Variants in JPH3 observed in about 807,000 individuals in gnomAD.
JPH3 encodes junctophilin 3.
Under a neutral mutation model 59.6 loss-of-function variants are expected in JPH3, and 11 were observed. That is an observed-to-expected ratio of 0.18 (90% confidence interval 0.12 to 0.31). The LOEUF (loss-of-function observed/expected upper bound fraction) is 0.31. JPH3 is among the 10% of genes least tolerant of loss of function. The pLI is 1.00. For synonymous variants in JPH3, 673 were observed against 483.6 expected (o/e 1.39, Z -5.14); for missense variants, 1,202 against 1,105.7 (o/e 1.09, Z -1.24).
At chr16:87,673,892 C>T (rs184204412) in intron 2 of JPH3, among the ~76,000 whole-genome samples, 243 of 151,808 alleles carry the variant, frequency 1.6e-3, no homozygotes, top group Admixed American at 5.0e-3. Context: ...TGCCACTGTA[C>T]TCCAGTCTGG....
At chr16:87,691,075 C>A (rs2033557985) in intron 4 of JPH3, among the ~76,000 whole-genome samples, 1 of 141,210 alleles carries the variant, frequency 7.1e-6, no homozygotes. Context: ...TCACCGTCAG[C>A]CTCACCCAGC....
At chr16:87,695,142 C>G in intron 4 of JPH3, 1 of 360,888 alleles carries the variant, frequency 2.8e-6, no homozygotes, top group South Asian at 2.1e-5. Flanking sequence ...CCAGCAGCAG[C>G]TGCTTCGTTG....
rs1189881318 is a variant in JPH3 at position 87,628,568 on chromosome 16, C to T, written c.383-15690C>T. ...AGACATGCCTGTAGGGGTCCTGGCT[C>T]AGACGCTTACCTGACGTTAGCACCT... is the stretch of plus-strand genomic sequence containing the variant. On this transcript the variant is annotated intron_variant, in intron 1 of 4. Transcript: ENST00000284262. Among the ~76,000 whole-genome samples, 5 of 152,326 alleles carry T rather than the reference C, an allele frequency of 3.3e-5. No individual in the cohort carries two copies. The East Asian group carries it at 7.7e-4, about 24-fold the overall frequency.
In JPH3 at chr16:87,689,851, G is replaced by C; in HGVS notation, c.1491G>C (p.Lys497Asn). Residue 497 changes from lysine (K) to asparagine (N), a missense_variant, in exon 4 of 5, where the codon AAG becomes AAC. Lys to Asn is a moderately conservative substitution (Grantham distance 94). Coordinates refer to ENST00000284262, the MANE Select transcript of JPH3 (RefSeq NM_020655.4). ...TPPPAPAARNKVAHFSRQVSV... is the reference protein window; with the variant it reads ...TPPPAPAARNNVAHFSRQVSV... The stretch of plus-strand genomic sequence containing the variant: ...CGCCCGCGCCCGCCGCCAGGAACAA[G>C]GTCGCCCACTTCTCGAGGCAGGTGT... The C allele has an allele frequency of 1.3e-6, 2 of 1,522,390 alleles. No homozygotes were observed. The highest frequency in any genetic ancestry group is 1.8e-6 in the Non-Finnish European group (2 of 1,135,602). The allele number at this position is 1,522,390 out of a possible 1,614,324, so 94.3% of individuals were successfully genotyped here. A position where few individuals can be genotyped will look rare whatever the true frequency, so the allele number is the denominator to read the frequency against.
At chr16:87,603,982 C>A in intron 1 of JPH3, 1 of 714,274 alleles carries the variant, frequency 1.4e-6, no homozygotes, top group Non-Finnish European at 1.7e-6. Flanking sequence ...GCCCGAGGGC[C>A]TTCCTCAGCC....
chr16:87,688,544 C>T (rs111639382), intron 3 of JPH3, among the ~76,000 whole-genome samples: 2,366 of 151,880 alleles, frequency 0.016, 27 homozygotes, highest in Non-Finnish European at 0.025. Context: ...GGAGAATGTC[C>T]GAGCGTGAGA....
chr16:87,604,719 G>T, intron 1 of JPH3: 1 of 1,055,632 alleles, frequency 9.5e-7, no homozygotes, highest in Non-Finnish European at 1.2e-6. Flanking sequence ...TCCAGGAGTG[G>T]CAGGGGGCTG....
chr16:87,633,682 C>G (rs1312793947), intron 1 of JPH3, among the ~76,000 whole-genome samples: 2 of 151,902 alleles, frequency 1.3e-5, no homozygotes, highest in Non-Finnish European at 2.9e-5. Flanking sequence ...GCCTGTAGTA[C>G]CAGCTACTCG....
At chr16:87,652,312 C>T (rs371499888) in intron 2 of JPH3, among the ~76,000 whole-genome samples, 13 of 152,312 alleles carry the variant, frequency 8.5e-5, no homozygotes, top group African/African-American at 3.1e-4. Flanking sequence ...GCACTCACCA[C>T]GCTGATCACC....
chr16:87,637,414 G>GTGTT (rs1555536243), intron 1 of JPH3, among the ~76,000 whole-genome samples: 30 of 115,900 alleles, frequency 2.6e-4, no homozygotes, highest in African/African-American at 1.0e-3. Context: ...GAGAGAGAGT[G>GTGTT]TGTGTGTTTG....
intron 4 of JPH3, chr16:87,695,719 G>C: frequency 2.4e-6 from 1 of 419,926 alleles, no homozygotes. Flanking sequence ...GAGGGGCCAC[G>C]CTCCCTCTCC....
chr16:87,665,292 C>T (rs955056180), intron 2 of JPH3, among the ~76,000 whole-genome samples: 7 of 152,220 alleles, frequency 4.6e-5, no homozygotes, highest in African/African-American at 1.4e-4. Flanking sequence ...AAAGCCCCTG[C>T]GTGGGCTGGC....
intron 2 of JPH3, among the ~76,000 whole-genome samples, chr16:87,656,980 C>A (rs1180578748): frequency 6.6e-6 from 1 of 152,150 alleles, no homozygotes; most frequent in African/African-American, 2.4e-5. Context: ...GGTCACCAGT[C>A]CCATCAGATT....
In JPH3 at chr16:87,616,228, G is replaced by A. The variant is rs867305891; in HGVS notation, c.382+12700G>A. Among the ~76,000 whole-genome samples, 986 of 134,254 alleles carry A rather than the reference G, an allele frequency of 7.3e-3. 7 individuals carry two copies. Among genetic ancestry groups the A allele is most frequent in the Non-Finnish European group, 0.01 (617 of 59,242 alleles). 88.1% of individuals were successfully genotyped at this position (134,254 alleles called of 152,430 possible). ...TGTGTGTGTGTGTGTGTGTGTGTGT[G>A]TGTGTGTGTATTTTTTTTTTTTTGA... On this transcript the variant is annotated intron_variant, in intron 1 of 4. Coordinates refer to ENST00000284262, the MANE Select transcript of JPH3 (RefSeq NM_020655.4).
chr16:87,675,239 T>C (rs533627331), intron 2 of JPH3, among the ~76,000 whole-genome samples: 19 of 141,166 alleles, frequency 1.3e-4, no homozygotes, highest in African/African-American at 4.9e-4. Flanking sequence ...CCTGGGCCTT[T>C]TGCATCCTGG....
At position 87,690,376 on chromosome 16, in the gene JPH3, G is replaced by C; in HGVS notation, c.2016G>C (p.Glu672Asp). The C allele has an allele frequency of 6.5e-7, 1 of 1,532,614 alleles. No individual in the cohort carries two copies. The highest frequency in any genetic ancestry group is 2.1e-5 in the Admixed American group (1 of 47,348). 94.9% of individuals were successfully genotyped at this position (1,532,614 alleles called of 1,614,324 possible). The change falls in exon 4 of 5, where the codon GAG (glutamate) becomes GAC (aspartate). Residue 672 changes from glutamate to aspartate, a missense_variant. Coordinates refer to ENST00000284262, the MANE Select transcript of JPH3 (RefSeq NM_020655.4). ...ACTTCAGGCCGGCCTCCTCCGCGGA[G>C]CCCGCCGTGCAGAAACTGGCGAGCC... Reference protein sequence around the residue: ...KENFRPASSAEPAVQKLASLR... With the variant: ...KENFRPASSADPAVQKLASLR...
chr16:87,654,673 C>G (rs1409640447), intron 2 of JPH3: 1 of 152,288 alleles, frequency 6.6e-6, no homozygotes, highest in East Asian at 1.9e-4. Context: ...AGAGTCATGA[C>G]CATCAGCACC....
At chr16:87,664,256 G>A (rs904811009) in intron 2 of JPH3, among the ~76,000 whole-genome samples, 12 of 151,548 alleles carry the variant, frequency 7.9e-5, no homozygotes, top group Non-Finnish European at 1.5e-4. Context: ...GCGTGAACCC[G>A]GGAGGCGGAG....
chr16:87,666,396 T>C (rs1454476061), intron 2 of JPH3, among the ~76,000 whole-genome samples: 1 of 150,530 alleles, frequency 6.6e-6, no homozygotes, highest in Non-Finnish European at 1.5e-5. Context: ...GCCTATTTTT[T>C]TTTTTTTCCC....
Sources: allele counts gnomAD v4.1 joint callset (sites outside exome capture counted in the v4.1 genomes callset), GRCh38; gene constraint gnomAD v4.1.1; transcripts MANE v1.5; gene names NCBI Gene and HGNC (gene_info 2026-07-23, HGNC 2026-07-21).